Variants in VTCN1 observed in about 807,000 individuals in gnomAD.
VTCN1 encodes V-set domain-containing T-cell activation inhibitor 1.
VTCN1 carries 26 observed loss-of-function variants against 26.5 expected under a neutral mutation model. The ratio of observed to expected loss-of-function variants is 0.98; its 90% CI spans 0.72 to 1.36. The LOEUF is 1.36. VTCN1 is among the 40% of genes most tolerant of loss of function. The probability of loss-of-function intolerance (pLI) is 0.00; values close to 1 mark genes in which losing one functional copy is unlikely to be tolerated. For synonymous variants in VTCN1, 116 were observed against 130.7 expected, an observed-to-expected ratio of 0.89 and a Z score of 0.77; for missense variants, 298 against 337.7, an observed-to-expected ratio of 0.88 and a Z score of 0.92.
intron 1 of VTCN1, among the ~76,000 whole-genome samples, chr1:117,209,651 G>A (rs1468225741): frequency 6.6e-5 from 10 of 152,176 alleles, no homozygotes; most frequent in African/African-American, 2.4e-4. Flanking sequence ...GGTCTAGAGG[G>A]AAGCCCCTGC....
rs1263624582 is a variant in VTCN1 at position 117,167,674 on chromosome 1, T to C, written c.97+2433A>G. ...TTGAATGGCAGTATCTACTAAAAGC[T>C]ATTTATTGGCCTTTTGGACATACTC... On this transcript the variant is annotated intron_variant, in intron 2 of 5. Coordinates refer to ENST00000369458, the MANE Select transcript of VTCN1 (RefSeq NM_024626.4). The surrounding 1 kb of genome is among the most constrained non-coding windows in gnomAD (Gnocchi z 4.1). Among the ~76,000 whole-genome samples, 1 of 152,214 alleles carries C rather than the reference T, an allele frequency of 6.6e-6. No homozygotes were observed. Among genetic ancestry groups the C allele is most frequent in the Non-Finnish European group, 1.5e-5 (1 of 68,036 alleles).
At chr1:117,176,560 A>G (rs1260442123) in intron 1 of VTCN1, among the ~76,000 whole-genome samples, 1 of 152,214 alleles carries the variant, frequency 6.6e-6, no homozygotes, top group African/African-American at 2.4e-5. Flanking sequence ...CTCAAATACT[A>G]ACAGAACTGG....
rs1335384988 is a variant in VTCN1, at chr1:117,144,130, A to T, written c.*1141T>A. ...ACAGAATGCTTATTTGCCAATGACT[A>T]ATGTGAGGAAGCAGACAGATTTGTT... is the stretch of plus-strand genomic sequence containing the variant. On this transcript the variant is annotated 3_prime_UTR_variant, in exon 6 of 6. Coordinates refer to ENST00000369458, the MANE Select transcript of VTCN1 (RefSeq NM_024626.4). 1 of 152,190 alleles carries T rather than the reference A, an allele frequency of 6.6e-6. No individual in the cohort carries two copies. The highest frequency in any genetic ancestry group is 1.5e-5 in the Non-Finnish European group (1 of 68,054). 9.4% of individuals were successfully genotyped at this position (152,190 alleles called of 1,614,324 possible).
At chr1:117,164,664 C>A (rs925780430) in intron 2 of VTCN1, among the ~76,000 whole-genome samples, 1 of 152,112 alleles carries the variant, frequency 6.6e-6, no homozygotes, top group Non-Finnish European at 1.5e-5. Flanking sequence ...TAAGTTGTAT[C>A]CCAAAGGATA....
At chr1:117,158,228 C>T (rs919928201) in intron 2 of VTCN1, among the ~76,000 whole-genome samples, 116 of 152,196 alleles carry the variant, frequency 7.6e-4, no homozygotes, top group Non-Finnish European at 7.3e-5. Flanking sequence ...TGTGTTGGGG[C>T]TCCGACTCCA....
intron 1 of VTCN1, among the ~76,000 whole-genome samples, chr1:117,182,321 G>C (rs1647711724): frequency 6.6e-6 from 1 of 152,152 alleles, no homozygotes; most frequent in Non-Finnish European, 1.5e-5. Context: ...TCTTCCAAAA[G>C]ATCTACCAGG....
rs1647285290 is a variant in VTCN1, at chr1:117,175,479, A to G, written c.33-5308T>C. ...TCTGGAGAGGGAGCCCCGTGTGCAG[A>G]TGTTCATTCAAAAAAATTCTTTTTC... On this transcript the variant is annotated intron_variant, in intron 1 of 5. Transcript: ENST00000369458. This position sits in a 1 kb window ranked among gnomAD's most constrained non-coding sequence, Gnocchi z 4.2. Among the ~76,000 whole-genome samples, 2 of 152,370 alleles carry G rather than the reference A, an allele frequency of 1.3e-5. No individual in the cohort carries two copies. The highest frequency in any genetic ancestry group is 4.1e-4 in the South Asian group (2 of 4,828).
chr1:117,166,208 A>G (rs1388276483), intron 2 of VTCN1, among the ~76,000 whole-genome samples: 2 of 152,210 alleles, frequency 1.3e-5, no homozygotes, highest in Non-Finnish European at 2.9e-5. Flanking sequence ...TCGCTATGCA[A>G]CAGGAAAAGA....
chr1:117,210,732 C>G, intron 1 of VTCN1, 92 bp downstream of exon 1: 1 of 1,363,816 alleles, frequency 7.3e-7, no homozygotes, highest in Non-Finnish European at 1.0e-6. Context: ...CAGGTGGGGT[C>G]CTATGGGACA....
intron 1 of VTCN1, among the ~76,000 whole-genome samples, chr1:117,184,856 A>G (rs2101564977): frequency 6.6e-6 from 1 of 152,318 alleles, no homozygotes; most frequent in South Asian, 2.1e-4. Flanking sequence ...AGTTAGGAGA[A>G]GAATGTTTCA....
intron 1 of VTCN1, among the ~76,000 whole-genome samples, chr1:117,185,592 C>G (rs143248530): frequency 1.0e-3 from 156 of 152,306 alleles, no homozygotes; most frequent in African/African-American, 3.5e-3. Context: ...ATATCCTCCT[C>G]TCTTTTAGAA....
At chr1:117,203,861 C>G in intron 1 of VTCN1, 1 of 860,874 alleles carries the variant, frequency 1.2e-6, no homozygotes, top group Non-Finnish European at 1.4e-6. Context: ...ATTTCTGATT[C>G]TTTGCAGGAT....
rs371447331 is a variant in VTCN1 at position 117,156,623 on chromosome 1, G to A, written c.396C>T (p.Ile132=). ...CATTCCCCTTGCCTTTAGAAGTGAT[G>A]ATATAACATTTGTAGGTGCCAGCAT... The part of the protein sequence containing the change: ...LTDAGTYKCY[I]ITSKGKGNAN... The change falls in exon 3 of 6, where the codon ATC becomes ATT. Residue 132 remains isoleucine (I), a synonymous_variant. Transcript: ENST00000369458. 1 of 1,613,234 alleles carries A rather than the reference G, an allele frequency of 6.2e-7. No individual in the cohort carries two copies. Among genetic ancestry groups the A allele is most frequent in the East Asian group, 2.2e-5 (1 of 44,880 alleles).
rs774349064 is a variant in VTCN1 at position 117,210,858 on chromosome 1, C to A, written c.-3G>T. On this transcript the variant is annotated 5_prime_UTR_variant, in exon 1 of 6. Coordinates refer to ENST00000369458, the MANE Select transcript of VTCN1 (RefSeq NM_024626.4). ...AGGATCTGCCCCAGGGAAGCCATGG[C>A]TGGGGAAGGTTCCCAGCGTATCTGG... 13 of 1,614,016 alleles carry A rather than the reference C, an allele frequency of 8.1e-6. No homozygotes were observed. The highest frequency in any genetic ancestry group is 1.7e-5 in the Admixed American group (1 of 60,008).
chr1:117,178,588 G>GTTTTTTTTT (rs10657719), intron 1 of VTCN1, among the ~76,000 whole-genome samples: 2 of 88,274 alleles, frequency 2.3e-5, no homozygotes, highest in Non-Finnish European at 3.9e-5. Context: ...TCTTTCTTTC[G>GTTTTTTTTT]TTTTTTTTTT....
intron 1 of VTCN1, among the ~76,000 whole-genome samples, chr1:117,181,933 C>A (rs1319203441): frequency 6.6e-6 from 1 of 152,110 alleles, no homozygotes; most frequent in South Asian, 2.1e-4. Context: ...ATCTAGATTA[C>A]CTTTGCAACA....
At chr1:117,182,713 CT>C (rs1647732344) in intron 1 of VTCN1, among the ~76,000 whole-genome samples, 1 of 152,180 alleles carries the variant, frequency 6.6e-6, no homozygotes, top group African/African-American at 2.4e-5. Context: ...CTGGAGCTGC[CT>C]TCAACACAGG....
intron 1 of VTCN1, among the ~76,000 whole-genome samples, chr1:117,185,113 G>A (rs1229193258): frequency 6.6e-6 from 1 of 152,180 alleles, no homozygotes; most frequent in Admixed American, 6.5e-5. Flanking sequence ...ATGTTTCTTA[G>A]TTTCTTCCAT....
chr1:117,187,241 G>A (rs549196735), intron 1 of VTCN1, among the ~76,000 whole-genome samples: 2 of 143,216 alleles, frequency 1.4e-5, no homozygotes, highest in Non-Finnish European at 3.0e-5. Context: ...AGCCCAGGAG[G>A]CAGAGGTTGC....
Sources: gnomAD v4.1 joint callset for allele counts (sites outside exome capture counted in the v4.1 genomes callset) on GRCh38, gnomAD v4.1.1 for gene constraint, Gnocchi (gnomAD v3.1) non-coding constraint, MANE v1.5 for transcripts, NCBI Gene and HGNC (gene_info 2026-07-23, HGNC 2026-07-21) for gene names.